CDK14: variants seen among roughly 807,000 people sequenced by gnomAD.
CDK14 encodes cyclin dependent kinase 14.
In CDK14, 34 loss-of-function variants were observed where a neutral mutation model predicts 60.7. The ratio of observed to expected loss-of-function variants is 0.56; its 90% CI spans 0.43 to 0.75. The LOEUF (loss-of-function observed/expected upper bound fraction) is 0.75, where lower values mean the gene tolerates loss of function less well. Ranked by LOEUF, CDK14 falls within the 30% of genes least tolerant of loss-of-function variation. The pLI, the probability that CDK14 is intolerant of heterozygous loss-of-function variation, is 0.00. For synonymous variants in CDK14, 197 were observed against 203.7 expected, an observed-to-expected ratio of 0.97 and a Z score of 0.28; for missense variants, 482 against 564.1, an observed-to-expected ratio of 0.85 and a Z score of 1.47.
intron 8 of CDK14, among the ~76,000 whole-genome samples, chr7:90,949,525 A>G (rs1409225370): frequency 1.3e-5 from 2 of 152,148 alleles, no homozygotes. Context: ...TTTTTAAAAA[A>G]TCTGTGCCGT....
rs539409013 is a variant in CDK14 at position 90,918,214 on chromosome 7, A to G, written c.826+490A>G. 2.6e-5 allele frequency among the ~76,000 whole-genome samples: 4 copies of G among 152,312 alleles called. No homozygotes were observed. In the South Asian group the frequency reaches 8.3e-4, roughly 32 times the overall value. On this transcript the variant is annotated intron_variant, in intron 8 of 14. Transcript: ENST00000380050. ...AGAGGGTTGCAGGAGATACACAATA[A>G]TGTACATTGCCCTGAGGCTTTAATA... is the stretch of plus-strand genomic sequence containing the variant.
At chr7:91,025,819 A>G (rs1275594980) in intron 10 of CDK14, among the ~76,000 whole-genome samples, 1 of 152,206 alleles carries the variant, frequency 6.6e-6, no homozygotes, top group East Asian at 1.9e-4. Context: ...AATTTTGTAT[A>G]TTCTAAAAGA....
At chr7:90,599,725 AATC>A (rs1563011424) in intron 1 of CDK14, among the ~76,000 whole-genome samples, 31 of 152,310 alleles carry the variant, frequency 2.0e-4, no homozygotes, top group African/African-American at 6.0e-4. Flanking sequence ...CTCTTTAACC[AATC>A]TAAGCTTTTG....
chr7:90,782,294 T>C (rs1239273188), intron 4 of CDK14, among the ~76,000 whole-genome samples: 3 of 152,166 alleles, frequency 2.0e-5, no homozygotes, highest in Non-Finnish European at 4.4e-5. Flanking sequence ...TGAAGTTGCT[T>C]ATCAGCTTAA....
intron 2 of CDK14, among the ~76,000 whole-genome samples, chr7:90,676,934 G>C (rs1050671085): frequency 1.4e-5 from 2 of 142,060 alleles, no homozygotes; most frequent in Non-Finnish European, 3.1e-5. Context: ...TGTTTATTCA[G>C]TTGTATATCA....
chr7:90,717,394 C>A lies in CDK14; in HGVS notation c.124-9173C>A, dbSNP rs572740841. Among the ~76,000 whole-genome samples, 5 of 152,138 alleles carry A rather than the reference C, an allele frequency of 3.3e-5. 1 individual carries two copies. The highest frequency in any genetic ancestry group is 3.3e-4 in the Admixed American group (5 of 15,268). Reference sequence around the variant, plus strand: ...AAACAGTTATCAAGCCTATTGATGGCAAGCATTGAAGTCCAGTAAGGGATG... The same window carrying A: ...AAACAGTTATCAAGCCTATTGATGGAAAGCATTGAAGTCCAGTAAGGGATG... On this transcript the variant is annotated intron_variant, in intron 2 of 14. Coordinates refer to ENST00000380050, the MANE Select transcript of CDK14 (RefSeq NM_001287135.2).
At chr7:90,667,575 C>CTTT (rs1165434635) in intron 2 of CDK14, among the ~76,000 whole-genome samples, 1 of 143,822 alleles carries the variant, frequency 7.0e-6, no homozygotes, top group South Asian at 2.2e-4. Context: ...TGTATCCGTA[C>CTTT]TTTTTTTTTT....
chr7:90,836,271 A>G (rs1386425953), intron 5 of CDK14, among the ~76,000 whole-genome samples: 1 of 152,242 alleles, frequency 6.6e-6, no homozygotes, highest in African/African-American at 2.4e-5. Context: ...TGAAGTTAAG[A>G]TGCAGACACA....
At chr7:90,900,672 G>A (rs1396444859) in intron 7 of CDK14, among the ~76,000 whole-genome samples, 1 of 151,964 alleles carries the variant, frequency 6.6e-6, no homozygotes, top group African/African-American at 2.4e-5. Context: ...GAGACCACTG[G>A]CCCCGGGGAG....
intron 2 of CDK14, among the ~76,000 whole-genome samples, chr7:90,652,944 A>G (rs1309576295): frequency 2.0e-5 from 3 of 152,086 alleles, no homozygotes; most frequent in Non-Finnish European, 4.4e-5. Context: ...AATATGCTAG[A>G]TATCTTGTAT....
In CDK14 at chr7:90,726,949, T is replaced by C. The variant is rs890090346; in HGVS notation, c.369+137T>C. 5 of 1,003,060 alleles carry C rather than the reference T, an allele frequency of 5.0e-6. No homozygotes were observed. The Admixed American group carries it at 1.0e-4, about 21-fold the overall frequency. 62.1% of individuals were successfully genotyped at this position (1,003,060 alleles called of 1,614,324 possible). On this transcript the variant is annotated intron_variant, in intron 3 of 14. Coordinates refer to ENST00000380050, the MANE Select transcript of CDK14 (RefSeq NM_001287135.2). ...TCTCTCCCAGGGTGGTTGAATGTTT[T>C]GGAAGAGAGAGAGCAAACTATATAT...
chr7:91,031,294 C>A (rs1796751522), intron 10 of CDK14, among the ~76,000 whole-genome samples: 2 of 151,950 alleles, frequency 1.3e-5, no homozygotes, highest in African/African-American at 4.8e-5. Flanking sequence ...CTTTCTGTAT[C>A]ATGAGCAGAA....
At chr7:91,090,973 C>T (rs1798787250) in intron 12 of CDK14, among the ~76,000 whole-genome samples, 1 of 130,286 alleles carries the variant, frequency 7.7e-6, no homozygotes, top group Admixed American at 8.5e-5. Context: ...TGACACCCAG[C>T]TCATTAACTA....
intron 7 of CDK14, among the ~76,000 whole-genome samples, chr7:90,912,225 T>A (rs945948244): frequency 1.3e-3 from 7 of 5,224 alleles, no homozygotes; most frequent in Non-Finnish European, 1.9e-3. Context: ...TCAAATATAT[T>A]AATTTATCTA....
intron 2 of CDK14, among the ~76,000 whole-genome samples, chr7:90,644,717 A>G (rs1287490294): frequency 1.3e-5 from 2 of 152,228 alleles, no homozygotes; most frequent in Non-Finnish European, 2.9e-5. Flanking sequence ...ACCATGGGTA[A>G]CAATGTTTCT....
intron 5 of CDK14, among the ~76,000 whole-genome samples, chr7:90,820,051 C>T (rs919052643): frequency 2.6e-5 from 4 of 152,116 alleles, no homozygotes; most frequent in Non-Finnish European, 4.4e-5. Flanking sequence ...CCCCCAACCC[C>T]ACTTTTTTGT....
intron 11 of CDK14, among the ~76,000 whole-genome samples, chr7:91,058,611 T>C (rs1433255600): frequency 1.3e-5 from 2 of 152,184 alleles, no homozygotes; most frequent in Non-Finnish European, 2.9e-5. Flanking sequence ...GTTTTTAGCA[T>C]GAAGGTTGTT....
At chr7:90,909,175 A>C (rs1792809356) in intron 7 of CDK14, among the ~76,000 whole-genome samples, 1 of 152,168 alleles carries the variant, frequency 6.6e-6, no homozygotes, top group East Asian at 1.9e-4. Flanking sequence ...ATTTTGTGCT[A>C]TTTCTGTATA....
chr7:90,839,980 G>A (rs1368203465), intron 5 of CDK14, among the ~76,000 whole-genome samples: 1 of 152,156 alleles, frequency 6.6e-6, no homozygotes, highest in Non-Finnish European at 1.5e-5. Flanking sequence ...CTAGAAGGAT[G>A]TAAAAAGAAT....
Sources: gnomAD v4.1 joint callset for allele counts (sites outside exome capture counted in the v4.1 genomes callset) on GRCh38, gnomAD v4.1.1 for gene constraint, MANE v1.5 for transcripts, NCBI Gene and HGNC (gene_info 2026-07-23, HGNC 2026-07-21) for gene names.